RBFOX1: variants seen among roughly 807,000 people sequenced by gnomAD.
RBFOX1 encodes RNA binding fox-1 homolog 1.
In RBFOX1, 8 loss-of-function variants were observed where a neutral mutation model predicts 57.7. That is an observed-to-expected ratio of 0.14 (90% confidence interval 0.08 to 0.25). The LOEUF (loss-of-function observed/expected upper bound fraction) is 0.25. RBFOX1 is among the 10% of genes least tolerant of loss of function. RBFOX1 has a pLI of 1.00. For synonymous variants in RBFOX1, 326 were observed against 222.4 expected (o/e 1.47, Z -4.15); for missense variants, 611 against 548.5 (o/e 1.11, Z -1.14).
chr16:7,660,696 C>G (rs547564614), intron 12 of RBFOX1, among the ~76,000 whole-genome samples: 1 of 152,166 alleles, frequency 6.6e-6, no homozygotes, highest in Non-Finnish European at 1.5e-5. Flanking sequence ...CAATAGCATC[C>G]GCATCATCTG....
chr16:6,642,258 C>T (rs536102164), intron 2 of RBFOX1, among the ~76,000 whole-genome samples: 9 of 152,312 alleles, frequency 5.9e-5, no homozygotes, highest in Non-Finnish European at 2.9e-5. Context: ...AAGTATTCTT[C>T]TTAAAAGCTG....
chr16:6,427,099 C>T (rs1199357525), intron 2 of RBFOX1, among the ~76,000 whole-genome samples: 3 of 152,146 alleles, frequency 2.0e-5, no homozygotes, highest in Non-Finnish European at 4.4e-5. Flanking sequence ...TGTAGAGTGA[C>T]ACAGAAACCC....
intron 3 of RBFOX1, among the ~76,000 whole-genome samples, chr16:6,978,745 C>T (rs562676359): frequency 6.6e-6 from 1 of 152,188 alleles, no homozygotes; most frequent in Non-Finnish European, 1.5e-5. Flanking sequence ...AAGAAGGATT[C>T]GAACCCCAGA....
intron 3 of RBFOX1, among the ~76,000 whole-genome samples, chr16:6,839,000 T>A (rs140050071): frequency 6.6e-6 from 1 of 152,052 alleles, no homozygotes; most frequent in African/African-American, 2.4e-5. Context: ...TTTCTTTATT[T>A]TTGTGACCGA....
chr16:7,712,852 G>A lies in RBFOX1; in HGVS notation c.*2107G>A, dbSNP rs929992568. ...CCTCAGATTTCAAAATCCAGAATTT[G>A]TATTGTGTTTCGAATCACAAACATA... On this transcript the variant is annotated 3_prime_UTR_variant, in exon 16 of 16. Transcript: ENST00000550418. The A allele has an allele frequency of 6.6e-6, 1 of 152,220 alleles. No individual in the cohort carries two copies. Among genetic ancestry groups the A allele is most frequent in the African/African-American group, 2.4e-5 (1 of 41,462 alleles). 9.4% of individuals were successfully genotyped at this position (152,220 alleles called of 1,614,324 possible). A position where few individuals can be genotyped will look rare whatever the true frequency, so the allele number is the denominator to read the frequency against.
chr16:6,020,536 G>T (rs1596432459), intron 1 of RBFOX1, among the ~76,000 whole-genome samples: 1 of 152,164 alleles, frequency 6.6e-6, no homozygotes, highest in East Asian at 1.9e-4. Flanking sequence ...TGGAATCGAT[G>T]CCCCGCGGTG....
At chr16:6,198,581 T>A (rs1475545736) in intron 1 of RBFOX1, among the ~76,000 whole-genome samples, 2 of 152,120 alleles carry the variant, frequency 1.3e-5, no homozygotes, top group Admixed American at 1.3e-4. Context: ...AAACAAGAGA[T>A]TGGATTAGAT....
chr16:6,504,418 T>C (rs574033968), intron 2 of RBFOX1, among the ~76,000 whole-genome samples: 217 of 152,346 alleles, frequency 1.4e-3, no homozygotes, highest in African/African-American at 4.8e-3. Flanking sequence ...CACTGGTGTA[T>C]GCTTCACCAT....
intron 1 of RBFOX1, among the ~76,000 whole-genome samples, chr16:5,424,143 A>C (rs1297594398): frequency 6.6e-6 from 1 of 152,220 alleles, no homozygotes; most frequent in African/African-American, 2.4e-5. Flanking sequence ...CATGGTTAAT[A>C]AACTAAAGAG....
chr16:6,426,229 A>G (rs2093924266), intron 2 of RBFOX1, among the ~76,000 whole-genome samples: 1 of 151,928 alleles, frequency 6.6e-6, no homozygotes, highest in African/African-American at 2.4e-5. Flanking sequence ...TCTATGCAAT[A>G]GACAAACATA....
chr16:6,099,380 A>G (rs369491756), intron 1 of RBFOX1, among the ~76,000 whole-genome samples: 118 of 152,322 alleles, frequency 7.7e-4, no homozygotes, highest in African/African-American at 2.6e-3. Flanking sequence ...CCTGTTGTCT[A>G]TGTAGCCACA....
chr16:7,026,498 C>T (rs565555357), intron 3 of RBFOX1, among the ~76,000 whole-genome samples: 66 of 151,916 alleles, frequency 4.3e-4, no homozygotes, highest in Admixed American at 2.0e-3. Flanking sequence ...TGCCTCTTTT[C>T]TTCTTCTCTC....
rs1415961138 is a variant in RBFOX1 at position 6,481,243 on chromosome 16, C to A, written c.-64+164186C>A. Among the ~76,000 whole-genome samples the A allele has an allele frequency of 2.0e-5, 3 of 152,244 alleles. No individual in the cohort carries two copies. The East Asian group carries it at 5.8e-4, about 29-fold the overall frequency. On this transcript the variant is annotated intron_variant, in intron 2 of 15. Coordinates refer to ENST00000550418, the MANE Select transcript of RBFOX1 (RefSeq NM_018723.4). ...GAAAACAACCTTCTCTCTGTATCAT[C>A]TTGCCTTGTAGTTACAGCTGTAAAT...
intron 1 of RBFOX1, among the ~76,000 whole-genome samples, chr16:5,438,705 C>T (rs518484): frequency 6.6e-6 from 1 of 152,050 alleles, no homozygotes; most frequent in East Asian, 1.9e-4. Flanking sequence ...GGAGCACACC[C>T]CTTCCTCCCT....
chr16:5,335,220 C>T (rs1358492), intron 1 of RBFOX1, among the ~76,000 whole-genome samples: 134,140 of 152,146 alleles, frequency 0.88, 60,848 homozygotes, highest in East Asian at 1. Flanking sequence ...TCTTTTTTCT[C>T]ATTGATTCAA....
chr16:6,448,860 A>G (rs2094537980), intron 2 of RBFOX1, among the ~76,000 whole-genome samples: 1 of 152,168 alleles, frequency 6.6e-6, no homozygotes, highest in Non-Finnish European at 1.5e-5. Context: ...GTTCTAGACA[A>G]TATATTTTAT....
chr16:6,775,676 A>T (rs1415410280), intron 3 of RBFOX1: 1 of 152,130 alleles, frequency 6.6e-6, no homozygotes, highest in Admixed American at 6.5e-5. Flanking sequence ...TCGGTCAAAC[A>T]TCCCTTGTCT....
intron 2 of RBFOX1, among the ~76,000 whole-genome samples, chr16:5,502,462 G>C (rs1387269589): frequency 6.6e-6 from 1 of 152,092 alleles, no homozygotes; most frequent in Non-Finnish European, 1.5e-5. Flanking sequence ...CTCAGGCTCC[G>C]GCCCCTAGTG....
intron 4 of RBFOX1, among the ~76,000 whole-genome samples, chr16:7,167,827 G>A (rs1350654148): frequency 6.6e-6 from 1 of 150,670 alleles, no homozygotes; most frequent in African/African-American, 2.5e-5. Flanking sequence ...AAAACCATCT[G>A]GCCTGCAAAG....
Sources: gnomAD v4.1 joint callset for allele counts (sites outside exome capture counted in the v4.1 genomes callset) on GRCh38, gnomAD v4.1.1 for gene constraint, MANE v1.5 for transcripts, NCBI Gene and HGNC (gene_info 2026-07-23, HGNC 2026-07-21) for gene names.